Variants in DSCAM observed in about 807,000 individuals in gnomAD.
DSCAM encodes the protein DS cell adhesion molecule, also known as cell adhesion molecule DSCAM.
A neutral mutation model predicts 217.7 loss-of-function variants in DSCAM; 47 were observed. That is an observed-to-expected ratio of 0.22 (90% CI 0.17 to 0.28). The LOEUF (loss-of-function observed/expected upper bound fraction) is 0.28, where lower values mean the gene tolerates loss of function less well. DSCAM is among the 10% of genes least tolerant of loss of function. The pLI, the probability that DSCAM is intolerant of heterozygous loss-of-function variation, is 1.00. For synonymous variants in DSCAM, 1,056 were observed against 1,015.3 expected (o/e 1.04, Z -0.76); for missense variants, 2,080 against 2,618.3 (o/e 0.79, Z 4.49).
At chr21:40,706,659 C>T (rs1340047444) in intron 2 of DSCAM, among the ~76,000 whole-genome samples, 1 of 152,142 alleles carries the variant, frequency 6.6e-6, no homozygotes, top group Admixed American at 6.5e-5. Context: ...CTTCAGCTGT[C>T]AAAGGGTAGC....
chr21:40,719,952 G>GA (rs1361332007), intron 1 of DSCAM, among the ~76,000 whole-genome samples: 16 of 151,754 alleles, frequency 1.1e-4, no homozygotes, highest in African/African-American at 3.6e-4. Flanking sequence ...AAAGAAATTG[G>GA]AAAAAAATCA....
chr21:40,052,553 C>G (rs919624985), intron 29 of DSCAM, among the ~76,000 whole-genome samples: 5 of 152,168 alleles, frequency 3.3e-5, no homozygotes, highest in African/African-American at 1.2e-4. Flanking sequence ...TAGAAAATCG[C>G]CACTACAGTT....
At chr21:40,570,419 G>A (rs764390828) in intron 3 of DSCAM, among the ~76,000 whole-genome samples, 15 of 152,340 alleles carry the variant, frequency 9.8e-5, no homozygotes, top group Non-Finnish European at 1.5e-4. Flanking sequence ...AAGGACAGAA[G>A]GAGCATGTCC....
intron 1 of DSCAM, among the ~76,000 whole-genome samples, chr21:40,713,557 T>C (rs986876532): frequency 2.0e-5 from 3 of 152,150 alleles, no homozygotes; most frequent in Non-Finnish European, 4.4e-5. Flanking sequence ...TTAGGAAATA[T>C]ATCAATAAAT....
At chr21:40,368,419 G>A (rs1009826370) in intron 4 of DSCAM, among the ~76,000 whole-genome samples, 1 of 152,174 alleles carries the variant, frequency 6.6e-6, no homozygotes, top group Non-Finnish European at 1.5e-5. Flanking sequence ...AAAAATACTT[G>A]CAAGTTCAAA....
chr21:40,195,449 C>CATTTTATAGA (rs1482712678), intron 11 of DSCAM, among the ~76,000 whole-genome samples: 12 of 152,156 alleles, frequency 7.9e-5, no homozygotes, highest in Non-Finnish European at 1.8e-4. Context: ...TCAATACTTT[C>CATTTTATAGA]ATTTTATAGA....
At chr21:40,159,310 T>C (rs913670448) in intron 16 of DSCAM, among the ~76,000 whole-genome samples, 5 of 152,214 alleles carry the variant, frequency 3.3e-5, no homozygotes, top group African/African-American at 1.2e-4. Flanking sequence ...TTGATTTCTC[T>C]GAAAAGATGG....
intron 3 of DSCAM, among the ~76,000 whole-genome samples, chr21:40,556,664 A>AGG (rs144713610): frequency 0.43 from 65,401 of 151,372 alleles, 15,233 homozygotes; most frequent in Admixed American, 0.53. Context: ...AGAGAGAGAG[A>AGG]GGGGAGGTAC....
chr21:40,076,629 G>A (rs1360503165), intron 26 of DSCAM, among the ~76,000 whole-genome samples: 1 of 152,240 alleles, frequency 6.6e-6, no homozygotes, highest in African/African-American at 2.4e-5. Context: ...GATAAAGTGA[G>A]AAAATTATAT....
chr21:40,571,497 G>C (rs1008759717), intron 3 of DSCAM, among the ~76,000 whole-genome samples: 2 of 152,052 alleles, frequency 1.3e-5, no homozygotes, highest in Admixed American at 1.3e-4. Context: ...AGAACTCAGA[G>C]ATTTTTTTAG....
chr21:40,840,457 T>C (rs1313692158), intron 1 of DSCAM, among the ~76,000 whole-genome samples: 1 of 152,076 alleles, frequency 6.6e-6, no homozygotes, highest in Non-Finnish European at 1.5e-5. Context: ...ATAAACACTG[T>C]ATAGGAATTT....
intron 11 of DSCAM, among the ~76,000 whole-genome samples, chr21:40,256,404 CAGAGAG>C (rs148333628): frequency 6.8e-6 from 1 of 147,714 alleles, no homozygotes; most frequent in Non-Finnish European, 1.5e-5. Flanking sequence ...GAGAGACAGA[CAGAGAG>C]AGAGAGAGAG....
chr21:40,757,678 C>G (rs2091289740), intron 1 of DSCAM, among the ~76,000 whole-genome samples: 1 of 152,190 alleles, frequency 6.6e-6, no homozygotes, highest in African/African-American at 2.4e-5. Flanking sequence ...CGATTTGAAG[C>G]CCAGACACTT....
rs150090584 is a variant in DSCAM at position 40,353,576 on chromosome 21, C to G, written c.823G>C (p.Val275Leu). 1 of 1,610,422 alleles carries G rather than the reference C, an allele frequency of 6.2e-7. No homozygotes were observed. ...ATGTTCTCAATGAGCAGCCCCGTCA[C>G]GGTCTTCTGGAACCTCCCTGAAAGT... ...LELSGRFQKT[V>L]TGLLIENIRP... Residue 275 changes from valine to leucine, a missense_variant, in exon 5 of 33, where the codon GTG (valine) becomes CTG (leucine). Physicochemically the swap from Val to Leu is conservative, Grantham distance 32. Coordinates refer to ENST00000400454, the MANE Select transcript of DSCAM (RefSeq NM_001389.5).
At chr21:40,419,889 T>C (rs1054745993) in intron 3 of DSCAM, among the ~76,000 whole-genome samples, 6 of 152,222 alleles carry the variant, frequency 3.9e-5, no homozygotes, top group Middle Eastern at 3.4e-3. Flanking sequence ...AAGAAACCCA[T>C]AGATACTTTT....
intron 3 of DSCAM, among the ~76,000 whole-genome samples, chr21:40,451,725 G>A (rs1014103469): frequency 2.6e-5 from 4 of 152,070 alleles, no homozygotes; most frequent in African/African-American, 9.7e-5. Flanking sequence ...CGAATTTCAG[G>A]GTGGCTGGAG....
intron 11 of DSCAM, among the ~76,000 whole-genome samples, chr21:40,212,824 G>A (rs1049170692): frequency 6.6e-5 from 10 of 152,162 alleles, no homozygotes; most frequent in Admixed American, 2.0e-4. Context: ...TCATTAGGGT[G>A]GGTCCTAAAT....
intron 11 of DSCAM, among the ~76,000 whole-genome samples, chr21:40,235,346 A>G (rs1320053807): frequency 6.6e-6 from 1 of 152,204 alleles, no homozygotes. Context: ...GTAGGAAAAC[A>G]CAAGAGAGGA....
chr21:40,039,199 C>T (rs1400348823), intron 32 of DSCAM, among the ~76,000 whole-genome samples: 1 of 150,834 alleles, frequency 6.6e-6, no homozygotes, highest in Non-Finnish European at 1.5e-5. Context: ...AGAATATGAA[C>T]TAAGAAAAAC....
Sources: allele counts gnomAD v4.1 joint callset (sites outside exome capture counted in the v4.1 genomes callset), GRCh38; gene constraint gnomAD v4.1.1; transcripts MANE v1.5; gene names NCBI Gene and HGNC (gene_info 2026-07-23, HGNC 2026-07-21).